HFM1: variants seen among roughly 807,000 people sequenced by gnomAD.
HFM1 encodes helicase for meiosis 1, also known as probable ATP-dependent DNA helicase HFM1.
In HFM1, 169 loss-of-function variants were observed where a neutral mutation model predicts 192.1. The ratio of observed to expected loss-of-function variants is 0.88; its 90% confidence interval spans 0.78 to 1.00. The LOEUF (loss-of-function observed/expected upper bound fraction) is 1.00, where lower values mean the gene tolerates loss of function less well. Among genes scored for constraint, HFM1 ranks in the 50% least tolerant of loss-of-function variants. HFM1 has a pLI of 0.00. For missense variants in HFM1, 1,661 were observed against 1,668.0 expected (o/e 1.00, Z 0.07); for synonymous variants, 525 against 537.8 (o/e 0.98, Z 0.33).
At chr1:91,288,516 G>C (rs1164908338) in intron 30 of HFM1, among the ~76,000 whole-genome samples, 1 of 152,024 alleles carries the variant, frequency 6.6e-6, no homozygotes, top group Non-Finnish European at 1.5e-5. Flanking sequence ...CCTAGGCAGA[G>C]GGCCCTGCTG....
intron 20 of HFM1, 140 bp from the exon 21 acceptor site, chr1:91,324,906 A>C: frequency 1.5e-6 from 1 of 659,932 alleles, no homozygotes; most frequent in Non-Finnish European, 2.7e-6. Context: ...CACTGCAGGA[A>C]CACCAAATTT....
chr1:91,269,849 C>T (rs1666110409), intron 34 of HFM1, among the ~76,000 whole-genome samples: 1 of 152,036 alleles, frequency 6.6e-6, no homozygotes, highest in Non-Finnish European at 1.5e-5. Flanking sequence ...AAAGACACAG[C>T]AATATGAGAG....
In HFM1 at chr1:91,396,334, G is replaced by A; in HGVS notation, c.143C>T (p.Thr48Ile). ...TTCTAATTCTTCCTCTAACTCCTGA[G>A]TATCTGGAATTTCTGAAATCAATGG... is the stretch of plus-strand genomic sequence containing the variant. The part of the protein sequence containing the change: ...PAPLISEIPD[T>I]QELEEELESH... Residue 48 changes from threonine to isoleucine, a missense_variant, in exon 3 of 39, where the codon ACT (threonine) becomes ATT (isoleucine). By Grantham distance (89) the Thr-to-Ile change is moderately conservative. Transcript: ENST00000370425. 1 of 1,600,616 alleles carries A rather than the reference G, an allele frequency of 6.2e-7. No homozygotes were observed. The highest frequency in any genetic ancestry group is 8.5e-7 in the Non-Finnish European group (1 of 1,170,806).
intron 30 of HFM1, among the ~76,000 whole-genome samples, chr1:91,297,518 T>C (rs940162734): frequency 2.6e-5 from 4 of 152,122 alleles, no homozygotes. Flanking sequence ...TACCCCCAAG[T>C]AGGCTAACTG....
At chr1:91,289,408 T>A (rs1668444415) in intron 30 of HFM1, among the ~76,000 whole-genome samples, 1 of 151,516 alleles carries the variant, frequency 6.6e-6, no homozygotes, top group African/African-American at 2.4e-5. Flanking sequence ...GCTCCTCACA[T>A]CCCAGACGAT....
intron 20 of HFM1, among the ~76,000 whole-genome samples, chr1:91,333,944 T>C (rs1003062453): frequency 6.6e-6 from 1 of 152,104 alleles, no homozygotes; most frequent in Non-Finnish European, 1.5e-5. Flanking sequence ...ACATACAAAC[T>C]TGAGTATGGA....
intron 30 of HFM1, among the ~76,000 whole-genome samples, chr1:91,308,499 A>T (rs1193120954): frequency 6.6e-6 from 1 of 151,996 alleles, no homozygotes. Flanking sequence ...TATTTTTTCT[A>T]TATTTTCTTT....
At chr1:91,364,632 A>ATATATATATTTTTT (rs753472335) in intron 13 of HFM1, among the ~76,000 whole-genome samples, 111 of 66,776 alleles carry the variant, frequency 1.7e-3, no homozygotes, top group Admixed American at 8.8e-3. Flanking sequence ...ATATATATAT[A>ATATATATATTTTTT]TTTTTTTTTT....
intron 6 of HFM1, among the ~76,000 whole-genome samples, chr1:91,384,978 C>T (rs961280383): frequency 4.6e-5 from 7 of 151,924 alleles, no homozygotes; most frequent in Non-Finnish European, 7.4e-5. Context: ...CTCCTGACCT[C>T]GTGATCTGCC....
intron 20 of HFM1, chr1:91,328,514 C>T: frequency 1.2e-6 from 2 of 1,613,328 alleles, no homozygotes; most frequent in Non-Finnish European, 8.5e-7. Context: ...TTCCTGATTG[C>T]TGTTCGCCAG....
At chr1:91,339,633 G>C (rs1655062351) in intron 20 of HFM1, among the ~76,000 whole-genome samples, 1 of 152,022 alleles carries the variant, frequency 6.6e-6, no homozygotes, top group Non-Finnish European at 1.5e-5. Context: ...AAACTTCCAA[G>C]AAATATGGGA....
chr1:91,261,196 A>C lies in HFM1; in HGVS notation c.*94T>G. On this transcript the variant is annotated 3_prime_UTR_variant, in exon 39 of 39. Transcript: ENST00000370425. ...TCAAATACAGGAGAAAAAAATCCGA[A>C]CAATTATGAACTACTTTTTAAAAAT... is the stretch of plus-strand genomic sequence containing the variant. 1 of 514,162 alleles carries C rather than the reference A, an allele frequency of 1.9e-6. No homozygotes were observed. The highest frequency in any genetic ancestry group is 7.5e-5 in the South Asian group (1 of 13,294). 31.8% of individuals were successfully genotyped at this position (514,162 alleles called of 1,614,324 possible).
chr1:91,380,259 T>C (rs376906054), intron 7 of HFM1, 23 bp from the exon 8 acceptor site: 15 of 1,429,922 alleles, frequency 1.0e-5, no homozygotes, highest in Non-Finnish European at 5.7e-6. Flanking sequence ...AAGTAATCAA[T>C]CATGTAACAT....
At chr1:91,386,215 C>G (rs568325127) in intron 4 of HFM1, among the ~76,000 whole-genome samples, 5 of 152,156 alleles carry the variant, frequency 3.3e-5, no homozygotes, top group African/African-American at 1.2e-4. Flanking sequence ...TGCCCCTTCC[C>G]CATGGTCTCT....
chr1:91,321,197 T>C (rs1306090776), intron 23 of HFM1, among the ~76,000 whole-genome samples: 2 of 152,184 alleles, frequency 1.3e-5, no homozygotes, highest in Admixed American at 6.5e-5. Context: ...ATCCCAGCAC[T>C]TTGGGAGGCC....
At chr1:91,294,836 T>C (rs1647276763) in intron 30 of HFM1, among the ~76,000 whole-genome samples, 1 of 152,228 alleles carries the variant, frequency 6.6e-6, no homozygotes, top group African/African-American at 2.4e-5. Context: ...GGTGAACATA[T>C]ATGCACACTT....
At chr1:91,262,446 A>T in intron 37 of HFM1, 35 bp downstream of exon 37, 2 of 1,575,876 alleles carry the variant, frequency 1.3e-6, no homozygotes, top group Non-Finnish European at 1.7e-6. Context: ...CTCGGGCAAA[A>T]TTTAAAAGAA....
intron 30 of HFM1, among the ~76,000 whole-genome samples, chr1:91,311,704 C>A (rs984371023): frequency 6.6e-6 from 1 of 151,932 alleles, no homozygotes; most frequent in African/African-American, 2.4e-5. Flanking sequence ...GGGAGAAATT[C>A]ATGCTGGCTG....
chr1:91,292,994 A>T (rs1471205219), intron 30 of HFM1, among the ~76,000 whole-genome samples: 1 of 152,200 alleles, frequency 6.6e-6, no homozygotes, highest in Non-Finnish European at 1.5e-5. Flanking sequence ...AAAACTGGCT[A>T]GCCATATGTA....
Sources: gnomAD v4.1 joint callset for allele counts (sites outside exome capture counted in the v4.1 genomes callset) on GRCh38, gnomAD v4.1.1 for gene constraint, MANE v1.5 for transcripts, NCBI Gene and HGNC (gene_info 2026-07-23, HGNC 2026-07-21) for gene names.